Variants in TCF3 observed in about 807,000 individuals in gnomAD.
The protein encoded by TCF3 is transcription factor E2-alpha.
Under a neutral mutation model 72.3 loss-of-function variants are expected in TCF3, and 54 were observed. The ratio of observed to expected loss-of-function variants is 0.75; its 90% CI spans 0.60 to 0.94. The LOEUF is 0.94. Ranked by LOEUF, TCF3 falls within the 40% of genes least tolerant of loss-of-function variation. The pLI is 0.00. For missense variants in TCF3, 1,078 were observed against 934.4 expected (o/e 1.15, Z -2.00); for synonymous variants, 525 against 412.6 (o/e 1.27, Z -3.30).
intron 3 of TCF3, among the ~76,000 whole-genome samples, chr19:1,640,014 T>C (rs928236319): frequency 6.6e-6 from 1 of 151,814 alleles, no homozygotes; most frequent in Non-Finnish European, 1.5e-5. Context: ...AGAAGAAAAA[T>C]CAACGAGAGA....
rs912192405 is a variant in TCF3, at chr19:1,615,146, A to C, written c.1822+139T>G. Reference sequence around the variant, plus strand: ...CATGGCAATGCGGTCAGAGGGGTGAAGGGCACAGTCACTGCAAGGAGGCAA... The same window carrying C: ...CATGGCAATGCGGTCAGAGGGGTGACGGGCACAGTCACTGCAAGGAGGCAA... On this transcript the variant is annotated intron_variant, in intron 18 of 18. Transcript: ENST00000262965. The surrounding 1 kb of genome is among the most constrained non-coding windows in gnomAD (Gnocchi z 7.3). 12 of 1,028,326 alleles carry C rather than the reference A, an allele frequency of 1.2e-5. No homozygotes were observed. The highest frequency in any genetic ancestry group is 1.5e-5 in the Non-Finnish European group (11 of 726,004). The allele number at this position is 1,028,326 out of a possible 1,614,324, so 63.7% of individuals were successfully genotyped here. A position where few individuals can be genotyped will look rare whatever the true frequency, so the allele number is the denominator to read the frequency against.
chr19:1,627,270 A>G, intron 6 of TCF3, 89 bp downstream of exon 6: 1 of 1,206,334 alleles, frequency 8.3e-7, no homozygotes, highest in Non-Finnish European at 1.2e-6. Context: ...TAACCTAGCT[A>G]AGCCAGGAGA....
At chr19:1,618,852 G>A (rs2061836483) in intron 16 of TCF3, among the ~76,000 whole-genome samples, 1 of 152,160 alleles carries the variant, frequency 6.6e-6, no homozygotes, top group African/African-American at 2.4e-5. Flanking sequence ...CCCCAGTGCT[G>A]AGCGCTGCCA....
chr19:1,618,834 C>T (rs571953253), intron 16 of TCF3, among the ~76,000 whole-genome samples: 3 of 152,204 alleles, frequency 2.0e-5, no homozygotes, highest in Admixed American at 6.5e-5. Context: ...CTGCACCCCT[C>T]GCCCCTTCCC....
chr19:1,613,099 G>T (rs1358164613), intron 18 of TCF3, among the ~76,000 whole-genome samples: 1 of 152,120 alleles, frequency 6.6e-6, no homozygotes, highest in Admixed American at 6.5e-5. Flanking sequence ...GGTGTGGACA[G>T]CAGTGGGGGT....
chr19:1,640,874 C>G (rs2065138208), intron 3 of TCF3, among the ~76,000 whole-genome samples: 1 of 147,358 alleles, frequency 6.8e-6, no homozygotes, highest in South Asian at 2.2e-4. Context: ...GGCGGCCAGG[C>G]GCGGTGGTTC....
chr19:1,647,043 C>G (rs1010594468), intron 2 of TCF3, among the ~76,000 whole-genome samples: 2 of 152,066 alleles, frequency 1.3e-5, no homozygotes, highest in Non-Finnish European at 1.5e-5. Flanking sequence ...GGCAGCAGGT[C>G]GAGGAAGACA....
intron 18 of TCF3, among the ~76,000 whole-genome samples, chr19:1,613,399 G>C (rs2061236089): frequency 6.6e-6 from 1 of 152,122 alleles, no homozygotes; most frequent in East Asian, 1.9e-4. Context: ...TCCCCGTCTG[G>C]GAGCCCACAG....
At chr19:1,624,200 A>G (rs1273157919) in intron 7 of TCF3, among the ~76,000 whole-genome samples, 200 bp from the exon 8 acceptor site, 1 of 152,196 alleles carries the variant, frequency 6.6e-6, no homozygotes, top group Admixed American at 6.5e-5. Context: ...GATCAAGACC[A>G]TCCTGGCCAA....
intron 5 of TCF3, among the ~76,000 whole-genome samples, chr19:1,631,051 G>A (rs993788588): frequency 1.3e-5 from 2 of 152,208 alleles, no homozygotes; most frequent in African/African-American, 2.4e-5. Flanking sequence ...CTGCAGCACG[G>A]GTGAGCCTGC....
intron 18 of TCF3, among the ~76,000 whole-genome samples, chr19:1,613,124 G>T (rs1310565790): frequency 2.6e-5 from 4 of 152,088 alleles, no homozygotes; most frequent in Non-Finnish European, 5.9e-5. Context: ...GGCTGGTGTT[G>T]GTGTGGGCAG....
intron 2 of TCF3, among the ~76,000 whole-genome samples, chr19:1,649,879 G>T (rs370954411): frequency 2.9e-4 from 44 of 152,354 alleles, no homozygotes; most frequent in Non-Finnish European, 5.7e-4. Flanking sequence ...GCCGCATTTT[G>T]CTTACCCAGC....
At chr19:1,633,054 C>T (rs978211661) in intron 3 of TCF3, among the ~76,000 whole-genome samples, 26 of 140,418 alleles carry the variant, frequency 1.9e-4, no homozygotes, top group African/African-American at 6.1e-4. Flanking sequence ...CAGGAGTTCC[C>T]GGCGCAGCAA....
intron 16 of TCF3, among the ~76,000 whole-genome samples, chr19:1,617,618 G>A (rs898893163): frequency 7.9e-5 from 12 of 152,188 alleles, no homozygotes; most frequent in African/African-American, 2.2e-4. Context: ...AAATGCACCC[G>A]CTCCCCACAG....
rs1310213971 is a variant in TCF3, at chr19:1,611,667, G to C, written c.*40C>G. ...GTGGCCGTTCTGGGGCCAGAGCACA[G>C]GGCTGAAAGCGGGTGGCTCGTCCCA... is the stretch of plus-strand genomic sequence containing the variant. On this transcript the variant is annotated 3_prime_UTR_variant, in exon 19 of 19. Coordinates refer to ENST00000262965, the MANE Select transcript of TCF3 (RefSeq NM_003200.5). 2 of 1,593,396 alleles carry C rather than the reference G, an allele frequency of 1.3e-6. No individual in the cohort carries two copies. Among genetic ancestry groups the C allele is most frequent in the Non-Finnish European group, 1.7e-6 (2 of 1,167,542 alleles).
At position 1,610,889 on chromosome 19, in the gene TCF3, C is replaced by T. The variant is rs1457455893; in HGVS notation, c.*818G>A. 1.9e-5 allele frequency: 4 copies of T among 206,720 alleles called. No individual in the cohort carries two copies. The highest frequency in any genetic ancestry group is 7.1e-5 in the East Asian group (1 of 14,022). 12.8% of individuals were successfully genotyped at this position (206,720 alleles called of 1,614,324 possible). On this transcript the variant is annotated 3_prime_UTR_variant, in exon 19 of 19. Transcript: ENST00000262965. ...AACATCAAAAAAACAAAAGACCCGC[C>T]GCCTGTCCCCGTTCTGTCTGTGTGC...
At chr19:1,617,301 C>G (rs2145919299) in intron 16 of TCF3, among the ~76,000 whole-genome samples, 1 of 152,360 alleles carries the variant, frequency 6.6e-6, no homozygotes, top group South Asian at 2.1e-4. Context: ...GGGCCAACGG[C>G]ACACTCACAA....
At chr19:1,626,702 C>G (rs369003879) in intron 6 of TCF3, among the ~76,000 whole-genome samples, 2 of 152,214 alleles carry the variant, frequency 1.3e-5, no homozygotes, top group Non-Finnish European at 2.9e-5. Flanking sequence ...CGCGGCCCCT[C>G]GTTGCGGGGA....
At chr19:1,612,467 G>A (rs1160822377) in intron 18 of TCF3, 5 of 1,577,338 alleles carry the variant, frequency 3.2e-6, no homozygotes, top group South Asian at 1.1e-5. Context: ...TGTTAGTGAT[G>A]CGCCAAGGCT....
Sources: gnomAD v4.1 joint callset for allele counts (sites outside exome capture counted in the v4.1 genomes callset) on GRCh38, gnomAD v4.1.1 for gene constraint, Gnocchi (gnomAD v3.1) non-coding constraint, MANE v1.5 for transcripts, NCBI Gene and HGNC (gene_info 2026-07-23, HGNC 2026-07-21) for gene names.